Variants in TENM4 observed in about 807,000 individuals in gnomAD.
TENM4 encodes teneurin transmembrane protein 4, also known as teneurin-4.
A neutral mutation model predicts 243.3 loss-of-function variants in TENM4; 82 were observed. That is an observed-to-expected ratio of 0.34 (90% CI 0.28 to 0.40). The LOEUF (loss-of-function observed/expected upper bound fraction) is 0.40. Ranked by LOEUF, TENM4 falls within the 10% of genes least tolerant of loss-of-function variation. TENM4 has a pLI of 1.00. For synonymous variants in TENM4, 1,412 were observed against 1,456.3 expected, an observed-to-expected ratio of 0.97 and a Z score of 0.69; for missense variants, 3,138 against 3,673.3, an observed-to-expected ratio of 0.85 and a Z score of 3.77.
intron 2 of TENM4, among the ~76,000 whole-genome samples, chr11:79,279,924 T>C (rs923571625): frequency 6.6e-6 from 1 of 152,154 alleles, no homozygotes; most frequent in Non-Finnish European, 1.5e-5. Flanking sequence ...TGTGAATAGA[T>C]TAGTGCCTTA....
At chr11:78,928,369 A>G (rs2136412211) in intron 6 of TENM4, among the ~76,000 whole-genome samples, 1 of 152,332 alleles carries the variant, frequency 6.6e-6, no homozygotes, top group Non-Finnish European at 1.5e-5. Flanking sequence ...GGTATATATA[A>G]AAGCCTGGAA....
At chr11:78,890,894 T>C (rs909463576) in intron 8 of TENM4, among the ~76,000 whole-genome samples, 8 of 152,256 alleles carry the variant, frequency 5.3e-5, no homozygotes, top group Middle Eastern at 3.4e-3. Flanking sequence ...CCCACCCCTA[T>C]TGGGGTACAA....
At chr11:79,430,137 C>T (rs1029266886) in intron 1 of TENM4, among the ~76,000 whole-genome samples, 3 of 146,998 alleles carry the variant, frequency 2.0e-5, no homozygotes, top group Non-Finnish European at 3.0e-5. Flanking sequence ...CACTTAGCAG[C>T]GTTGGGCTAC....
chr11:79,101,439 G>A (rs1314711333), intron 4 of TENM4, among the ~76,000 whole-genome samples: 3 of 152,224 alleles, frequency 2.0e-5, no homozygotes, highest in African/African-American at 7.2e-5. Flanking sequence ...CATGCTCCAG[G>A]ACTAACACAC....
chr11:78,690,853 A>G (rs1195199151), intron 28 of TENM4, among the ~76,000 whole-genome samples: 1 of 152,172 alleles, frequency 6.6e-6, no homozygotes, highest in Non-Finnish European at 1.5e-5. Context: ...GACTCTTTGA[A>G]CACCTGTAAT....
At chr11:79,206,451 T>A (rs1199037237) in intron 3 of TENM4, among the ~76,000 whole-genome samples, 1 of 152,186 alleles carries the variant, frequency 6.6e-6, no homozygotes, top group Non-Finnish European at 1.5e-5. Flanking sequence ...TCTGTGACAC[T>A]CAGGTGCAGG....
chr11:78,748,831 A>AGCC (rs1392038683), intron 19 of TENM4, among the ~76,000 whole-genome samples: 1 of 152,194 alleles, frequency 6.6e-6, no homozygotes, highest in African/African-American at 2.4e-5. Flanking sequence ...GCATGCTATG[A>AGCC]GCCAGACATC....
intron 1 of TENM4, among the ~76,000 whole-genome samples, chr11:79,427,282 A>C (rs1372979880): frequency 2.0e-5 from 3 of 152,236 alleles, no homozygotes; most frequent in Admixed American, 2.0e-4. Context: ...AAGTAAAGAA[A>C]TTGGACTGAA....
At chr11:78,887,458 T>C (rs1855572487) in intron 9 of TENM4, among the ~76,000 whole-genome samples, 1 of 152,234 alleles carries the variant, frequency 6.6e-6, no homozygotes, top group African/African-American at 2.4e-5. Context: ...AAGCTACGAA[T>C]ACCTCAAGGG....
At chr11:78,896,129 A>C (rs1410740910) in intron 7 of TENM4, among the ~76,000 whole-genome samples, 1 of 152,168 alleles carries the variant, frequency 6.6e-6, no homozygotes, top group Non-Finnish European at 1.5e-5. Context: ...GACCGCCCTG[A>C]TCAACGGTTC....
At position 78,663,066 on chromosome 11, in the gene TENM4, C is replaced by G. The variant is rs59439363; in HGVS notation, c.7409-1475G>C. Among the ~76,000 whole-genome samples the G allele has an allele frequency of 2.3e-3, 355 of 152,190 alleles. 11 individuals are homozygous for G. In the East Asian group the frequency reaches 0.062, roughly 27 times the overall value. The stretch of plus-strand genomic sequence containing the variant: ...AAGAGCCAGAAAGGATGACTGTGGC[C>G]GGAGCAAGAAGAGCTTCAGATGGCA... On this transcript the variant is annotated intron_variant, in intron 32 of 33. Transcript: ENST00000278550.
chr11:78,859,886 T>C (rs1858773846), intron 10 of TENM4, among the ~76,000 whole-genome samples: 1 of 152,212 alleles, frequency 6.6e-6, no homozygotes, highest in African/African-American at 2.4e-5. Context: ...GAAATGCCTG[T>C]TTATTCAATG....
At chr11:78,756,671 C>T (rs915363865) in intron 19 of TENM4, 134 bp downstream of exon 19, 13 of 850,536 alleles carry the variant, frequency 1.5e-5, no homozygotes, top group African/African-American at 3.4e-5. Context: ...CTGCCTCCCC[C>T]GACATTCCAT....
chr11:79,422,176 T>C (rs11237828), intron 1 of TENM4: 33,781 of 153,328 alleles, frequency 0.22, 3,948 homozygotes, highest in East Asian at 0.36. Context: ...TTTGATCTGG[T>C]ACTCCTTAAG....
chr11:79,090,974 G>C (rs1860933053), intron 4 of TENM4, among the ~76,000 whole-genome samples: 2 of 152,196 alleles, frequency 1.3e-5, no homozygotes, highest in East Asian at 3.8e-4. Context: ...GGGGGAGTCA[G>C]GCTGGCTTTT....
At chr11:79,113,384 A>G (rs1276392453) in intron 4 of TENM4, among the ~76,000 whole-genome samples, 2 of 118,638 alleles carry the variant, frequency 1.7e-5, no homozygotes, top group East Asian at 2.2e-4. Flanking sequence ...TCCCCCGCCT[A>G]TTGGATTGGT....
At chr11:78,761,824 C>T (rs906876588) in intron 18 of TENM4, among the ~76,000 whole-genome samples, 1 of 152,068 alleles carries the variant, frequency 6.6e-6, no homozygotes, top group Non-Finnish European at 1.5e-5. Flanking sequence ...CAGCTTTATG[C>T]AGGGCCTCAG....
intron 6 of TENM4, among the ~76,000 whole-genome samples, chr11:79,001,485 C>A (rs191059765): frequency 6.3e-4 from 93 of 148,584 alleles, no homozygotes; most frequent in Admixed American, 1.3e-3. Context: ...AGACCCCCCC[C>A]AAATCCCATG....
At chr11:78,778,660 A>G in intron 16 of TENM4, 32 bp from the exon 17 acceptor site, 2 of 1,604,698 alleles carry the variant, frequency 1.2e-6, no homozygotes, top group Non-Finnish European at 1.7e-6. Flanking sequence ...CATTTAAGGT[A>G]GGATCCAGTA....
Sources: gnomAD v4.1 joint callset for allele counts (sites outside exome capture counted in the v4.1 genomes callset) on GRCh38, gnomAD v4.1.1 for gene constraint, MANE v1.5 for transcripts, NCBI Gene and HGNC (gene_info 2026-07-23, HGNC 2026-07-21) for gene names.